The following WDFY3 variants were observed in gnomAD, a reference collection of about 807,000 sequenced individuals.
WDFY3 encodes the protein WD repeat and FYVE domain-containing protein 3.
WDFY3 carries 66 observed loss-of-function variants against 409.6 expected under a neutral mutation model. The observed-to-expected ratio is 0.16, with a 90% CI of 0.13 to 0.20. The LOEUF (loss-of-function observed/expected upper bound fraction) is 0.20. Ranked by LOEUF, WDFY3 falls within the 10% of genes least tolerant of loss-of-function variation. The pLI, the probability that WDFY3 is intolerant of heterozygous loss-of-function variation, is 1.00. For missense variants in WDFY3, 3,031 were observed against 4,298.1 expected, an observed-to-expected ratio of 0.71 and a Z score of 8.24; for synonymous variants, 1,521 against 1,537.1, an observed-to-expected ratio of 0.99 and a Z score of 0.25.
intron 36 of WDFY3, among the ~76,000 whole-genome samples, chr4:84,746,009 A>G (rs569666729): frequency 6.6e-6 from 1 of 152,084 alleles, no homozygotes; most frequent in South Asian, 2.1e-4. Flanking sequence ...AAACATTTTG[A>G]AAAAAATGGT....
chr4:84,950,307 T>A (rs1773444071), intron 1 of WDFY3, among the ~76,000 whole-genome samples: 1 of 151,826 alleles, frequency 6.6e-6, no homozygotes, highest in African/African-American at 2.4e-5. Flanking sequence ...ATGAGGGGTT[T>A]AAAACCTAGA....
chr4:84,741,624 T>G (rs1387504735), intron 38 of WDFY3, 137 bp downstream of exon 38: 1 of 1,061,564 alleles, frequency 9.4e-7, no homozygotes, highest in African/African-American at 1.6e-5. Flanking sequence ...CTGTCTCTAT[T>G]CACTTTTAAT....
chr4:84,717,053 A>C, intron 48 of WDFY3, 37 bp from the exon 49 acceptor site: 1 of 1,532,964 alleles, frequency 6.5e-7, no homozygotes, highest in African/African-American at 1.4e-5. Context: ...ATAAAAACAC[A>C]GCAAGGGATA....
intron 44 of WDFY3, among the ~76,000 whole-genome samples, chr4:84,727,739 T>C (rs961624334): frequency 6.6e-6 from 1 of 152,188 alleles, no homozygotes; most frequent in Admixed American, 6.5e-5. Context: ...CCTTTCCCTA[T>C]AGTAAACATG....
At chr4:84,962,027 A>G (rs1023703058) in intron 1 of WDFY3, among the ~76,000 whole-genome samples, 4 of 152,232 alleles carry the variant, frequency 2.6e-5, no homozygotes, top group Admixed American at 1.3e-4. Context: ...AGCTTTATTC[A>G]TATTTGATCA....
At chr4:84,955,441 G>A (rs868030875) in intron 1 of WDFY3, among the ~76,000 whole-genome samples, 5 of 152,070 alleles carry the variant, frequency 3.3e-5, no homozygotes, top group African/African-American at 4.8e-5. Context: ...TGCTGCCTAC[G>A]GACATAAGGC....
At chr4:84,878,516 T>G (rs963362184) in intron 3 of WDFY3, among the ~76,000 whole-genome samples, 1 of 152,232 alleles carries the variant, frequency 6.6e-6, no homozygotes, top group African/African-American at 2.4e-5. Flanking sequence ...TATTGATTAA[T>G]TAGAATGAGG....
intron 64 of WDFY3, among the ~76,000 whole-genome samples, chr4:84,680,717 T>A (rs1385283141): frequency 6.6e-6 from 1 of 152,230 alleles, no homozygotes; most frequent in Non-Finnish European, 1.5e-5. Context: ...TTTTTTTCCT[T>A]GTCATTAGTC....
chr4:84,765,815 A>G lies in WDFY3; in HGVS notation c.5183T>C (p.Val1728Ala), dbSNP rs1158300451. 6.2e-7 allele frequency: 1 copy of G among 1,613,716 alleles called. No individual in the cohort carries two copies. Among genetic ancestry groups the G allele is most frequent in the Admixed American group, 1.7e-5 (1 of 59,998 alleles). The change falls in exon 32 of 68, where the codon GTA becomes GCA. Residue 1728 changes from valine (V) to alanine (A), a missense_variant. Coordinates refer to ENST00000295888, the MANE Select transcript of WDFY3 (RefSeq NM_014991.6). Reference sequence around the variant, plus strand: ...TGACTAGAAAAGTCCCATACCTAATACAGTTCCAATCTTATTAGTTAAGAC... The same window carrying G: ...TGACTAGAAAAGTCCCATACCTAATGCAGTTCCAATCTTATTAGTTAAGAC... ...DSVLTNKIGTVLGFNVGRSAG... is the reference protein window; with the variant it reads ...DSVLTNKIGTALGFNVGRSAG...
chr4:84,698,620 T>G (rs189819923), intron 56 of WDFY3, among the ~76,000 whole-genome samples: 1 of 152,132 alleles, frequency 6.6e-6, no homozygotes, highest in South Asian at 2.1e-4. Context: ...CAAGGATGCA[T>G]GGACAAGAAG....
intron 38 of WDFY3, among the ~76,000 whole-genome samples, chr4:84,741,366 G>C (rs534521203): frequency 1.9e-4 from 28 of 151,042 alleles, no homozygotes; most frequent in South Asian, 6.3e-4. Flanking sequence ...CCAGGCTGGA[G>C]TGCAGTACTG....
Position 84,821,031 on chromosome 4 carries a change from C to T in WDFY3, c.1591+53G>A, listed in dbSNP as rs1753981979. 4 of 1,442,906 alleles carry T rather than the reference C, an allele frequency of 2.8e-6. No individual in the cohort carries two copies. The East Asian group carries it at 9.5e-5, about 34-fold the overall frequency. 89.4% of individuals were successfully genotyped at this position (1,442,906 alleles called of 1,614,324 possible). On this transcript the variant is annotated intron_variant, in intron 11 of 67. Coordinates refer to ENST00000295888, the MANE Select transcript of WDFY3 (RefSeq NM_014991.6). ...AGAATGGGAACAAGAACAAAAAATT[C>T]TCTGTTTTGAACCCCTTTTCAAATA...
intron 1 of WDFY3, among the ~76,000 whole-genome samples, chr4:84,952,642 C>A (rs1773751953): frequency 6.6e-6 from 1 of 152,106 alleles, no homozygotes; most frequent in South Asian, 2.1e-4. Context: ...ATGCTGAACT[C>A]CACAACATCA....
rs369549649 is a variant in WDFY3, at chr4:84,837,123, T to C, written c.415-33A>G. The C allele has an allele frequency of 3.2e-5, 46 of 1,439,908 alleles. 2 individuals are homozygous for C. The Admixed American group carries it at 3.7e-4, about 12-fold the overall frequency. 89.2% of individuals were successfully genotyped at this position (1,439,908 alleles called of 1,614,324 possible). On this transcript the variant is annotated intron_variant, in intron 6 of 67. Transcript: ENST00000295888. ...ACAAGCCAATAAATAAGTGAATAGA[T>C]AGACACAACTATAATTGGTACAGCC...
intron 49 of WDFY3, among the ~76,000 whole-genome samples, chr4:84,716,339 TGA>T (rs1161950306): frequency 1.4e-5 from 2 of 147,824 alleles, no homozygotes; most frequent in Admixed American, 6.9e-5. Context: ...TGCAGGAGGC[TGA>T]GGCAGGAGAA....
chr4:84,860,634 T>C lies in WDFY3; in HGVS notation c.-31-12A>G, dbSNP rs1359879289. The stretch of plus-strand genomic sequence containing the variant: ...ACGCACTTCTAATTCTGTAGGAAAA[T>C]GTCAATACATGAACAGTCAAAACAT... On this transcript the variant is annotated splice_polypyrimidine_tract_variant and intron_variant, in intron 3 of 67. Coordinates refer to ENST00000295888, the MANE Select transcript of WDFY3 (RefSeq NM_014991.6). 2 of 1,549,116 alleles carry C rather than the reference T, an allele frequency of 1.3e-6. No individual in the cohort carries two copies. The highest frequency in any genetic ancestry group is 2.4e-5 in the South Asian group (2 of 82,656).
At chr4:84,808,449 G>T in intron 14 of WDFY3, 32 bp from the exon 15 acceptor site, 1 of 1,603,262 alleles carries the variant, frequency 6.2e-7, no homozygotes, top group South Asian at 1.1e-5. Context: ...GGGTGGTTTA[G>T]AGAGGTTAGA....
At chr4:84,755,817 C>A (rs538045801) in intron 33 of WDFY3, among the ~76,000 whole-genome samples, 9 of 152,100 alleles carry the variant, frequency 5.9e-5, no homozygotes, top group Non-Finnish European at 1.0e-4. Flanking sequence ...ACAGATAAAT[C>A]TGATAAAATA....
intron 43 of WDFY3, among the ~76,000 whole-genome samples, chr4:84,733,961 GTAATT>G: frequency 6.6e-6 from 1 of 152,218 alleles, no homozygotes; most frequent in African/African-American, 2.4e-5. Context: ...AATATATATG[GTAATT>G]TAAGGATACA....
Sources: allele counts gnomAD v4.1 joint callset (sites outside exome capture counted in the v4.1 genomes callset), GRCh38; gene constraint gnomAD v4.1.1; transcripts MANE v1.5; gene names NCBI Gene and HGNC (gene_info 2026-07-23, HGNC 2026-07-21).